The following SAMD5 variants were observed in gnomAD, a reference collection of about 807,000 sequenced individuals.
SAMD5 encodes the protein sterile alpha motif domain-containing protein 5.
In SAMD5, 13 loss-of-function variants were observed where a neutral mutation model predicts 11.3. The ratio of observed to expected loss-of-function variants is 1.15; its 90% CI spans 0.75 to 1.83. The LOEUF (loss-of-function observed/expected upper bound fraction) is 1.83. Ranked by LOEUF, SAMD5 falls within the 40% of genes most tolerant of loss-of-function variation. The pLI, the probability that SAMD5 is intolerant of heterozygous loss-of-function variation, is 0.00. For synonymous variants in SAMD5, 129 were observed against 111.3 expected (o/e 1.16, Z -1.00); for missense variants, 255 against 239.1 (o/e 1.07, Z -0.44).
chr6:147,781,785 C>T, the SAMD5 span, among the ~76,000 whole-genome samples: 1 of 141,010 alleles, frequency 7.1e-6, no homozygotes, highest in Non-Finnish European at 1.5e-5. Context: ...CACACACACA[C>T]ACACACACAC....
the SAMD5 span, among the ~76,000 whole-genome samples, chr6:147,813,162 A>G: frequency 6.6e-6 from 1 of 152,234 alleles, no homozygotes; most frequent in Non-Finnish European, 1.5e-5. Flanking sequence ...TTTCCACAAG[A>G]CACAGGTCGA....
chr6:147,839,643 G>A, the SAMD5 span, among the ~76,000 whole-genome samples: 179 of 152,232 alleles, frequency 1.2e-3, 1 homozygote, highest in East Asian at 7.0e-3. Flanking sequence ...CAAGCTACTC[G>A]GGAGGCTGAG....
At chr6:147,555,759 T>C (rs887325712) in intron 1 of SAMD5, among the ~76,000 whole-genome samples, 4 of 152,208 alleles carry the variant, frequency 2.6e-5, no homozygotes, top group Non-Finnish European at 5.9e-5. Context: ...TTCATTGATA[T>C]GGTTTCAAAT....
chr6:147,920,135 C>T, the SAMD5 span, among the ~76,000 whole-genome samples: 1 of 152,002 alleles, frequency 6.6e-6, no homozygotes, highest in Non-Finnish European at 1.5e-5. Flanking sequence ...AGGGTGTTGC[C>T]AAAGGAGATT....
rs572922717 is a variant in SAMD5, at chr6:147,689,762, T to C, written c.163-47555T>C. 4.0e-4 allele frequency among the ~76,000 whole-genome samples: 61 copies of C among 152,366 alleles called. 1 individual carries two copies. Among genetic ancestry groups the C allele is most frequent in the Middle Eastern group, 3.4e-3 (1 of 294 alleles). On this transcript the variant is annotated intron_variant, in intron 1 of 1. Coordinates refer to the SAMD5 transcript ENST00000566741. ...TGCAGGCCTTTCTAGGAAACAGATA[T>C]GGTGAATGATTTCACTCTTTGTTGA...
chr6:147,767,027 T>C, the SAMD5 span, among the ~76,000 whole-genome samples: 2 of 152,334 alleles, frequency 1.3e-5, no homozygotes, highest in South Asian at 4.1e-4. Flanking sequence ...AATAGGATGC[T>C]ATTTAGCTCA....
intron 1 of SAMD5, among the ~76,000 whole-genome samples, chr6:147,726,989 A>T (rs1488764097): frequency 6.6e-6 from 1 of 152,194 alleles, no homozygotes; most frequent in Admixed American, 6.5e-5. Flanking sequence ...ACTTTCCTTG[A>T]CATAACTAAA....
chr6:147,566,169 A>G lies in SAMD5; in HGVS notation c.*1713A>G, dbSNP rs1471919925. ...GTTAATTCAGGCACTGACTAAAATC[A>G]GTCTCATTATCATATACAAATGTAA... On this transcript the variant is annotated 3_prime_UTR_variant, in exon 2 of 2. Coordinates refer to ENST00000367474, the MANE Select transcript of SAMD5 (RefSeq NM_001030060.3). 7 of 978,858 alleles carry G rather than the reference A, an allele frequency of 7.2e-6. No individual in the cohort carries two copies. Among genetic ancestry groups the G allele is most frequent in the Admixed American group, 6.1e-5 (1 of 16,268 alleles). The allele number at this position is 978,858 out of a possible 1,614,324, so 60.6% of individuals were successfully genotyped here.
the SAMD5 span, among the ~76,000 whole-genome samples, chr6:147,940,859 G>A: frequency 9.2e-5 from 14 of 152,318 alleles, no homozygotes; most frequent in South Asian, 4.1e-4. Flanking sequence ...CTACTTGGGA[G>A]GCTGAGGCAG....
the SAMD5 span, among the ~76,000 whole-genome samples, chr6:147,865,595 G>C: frequency 6.6e-6 from 1 of 152,098 alleles, no homozygotes; most frequent in Non-Finnish European, 1.5e-5. Context: ...ATGAATGAAT[G>C]CCTCAAAGGT....
intron 1 of SAMD5, among the ~76,000 whole-genome samples, chr6:147,655,347 T>C (rs1444887117): frequency 6.6e-6 from 1 of 152,220 alleles, no homozygotes; most frequent in African/African-American, 2.4e-5. Context: ...CTGGTCCTCA[T>C]TTTTGTCACA....
chr6:147,618,007 T>C (rs1307626984), intron 1 of SAMD5, among the ~76,000 whole-genome samples: 1 of 152,246 alleles, frequency 6.6e-6, no homozygotes, highest in East Asian at 1.9e-4. Context: ...CTAATAAGAA[T>C]GACAAAACTT....
chr6:147,877,945 A>AGAAAGAAAGAGTCT, the SAMD5 span, among the ~76,000 whole-genome samples: 1 of 67,758 alleles, frequency 1.5e-5, no homozygotes, highest in Non-Finnish European at 2.8e-5. Context: ...ATAGATAGAT[A>AGAAAGAAAGAGTCT]GACTCTGTCA....
chr6:147,644,281 C>T (rs1394669464), intron 1 of SAMD5, among the ~76,000 whole-genome samples: 1 of 152,086 alleles, frequency 6.6e-6, no homozygotes, highest in Non-Finnish European at 1.5e-5. Context: ...GAAGGACTTG[C>T]CTTCATGTAT....
chr6:147,865,609 C>T, the SAMD5 span, among the ~76,000 whole-genome samples: 1 of 152,032 alleles, frequency 6.6e-6, no homozygotes, highest in Admixed American at 6.6e-5. Context: ...CAAAGGTCCC[C>T]GTTGTTGTGA....
the SAMD5 span, among the ~76,000 whole-genome samples, chr6:147,943,286 TG>T: frequency 6.6e-6 from 1 of 152,198 alleles, no homozygotes; most frequent in African/African-American, 2.4e-5. Flanking sequence ...GAAAGTTGGT[TG>T]TTTTTTTCCC....
chr6:147,705,988 AT>A lies in SAMD5; in HGVS notation c.163-31328del, dbSNP rs538416308. 1.5e-3 allele frequency among the ~76,000 whole-genome samples: 230 copies of A among 152,194 alleles called. No homozygotes were observed. In the Middle Eastern group the frequency reaches 0.034, roughly 23 times the overall value. On this transcript the variant is annotated intron_variant, in intron 1 of 1. Coordinates refer to the SAMD5 transcript ENST00000566741. ...GAGAAACCAGAAAGATGATTTTTGT[AT>A]GTTTGTTTCTATATTTATTTTTTAA...
the SAMD5 span, among the ~76,000 whole-genome samples, chr6:147,770,876 C>T: frequency 6.6e-6 from 1 of 152,110 alleles, no homozygotes; most frequent in African/African-American, 2.4e-5. Context: ...GTGAAAGAAA[C>T]AATGCCAATA....
chr6:147,739,411 A>T (rs1241245575), downstream of SAMD5, among the ~76,000 whole-genome samples: 1 of 152,180 alleles, frequency 6.6e-6, no homozygotes, highest in African/African-American at 2.4e-5. Flanking sequence ...GCCGGGCAAC[A>T]TAGTGAGACT....
Sources: gnomAD v4.1 joint callset for allele counts (sites outside exome capture counted in the v4.1 genomes callset) on GRCh38, gnomAD v4.1.1 for gene constraint, MANE v1.5 for transcripts, NCBI Gene and HGNC (gene_info 2026-07-23, HGNC 2026-07-21) for gene names.